B3GLCT: variants seen among roughly 807,000 people sequenced by gnomAD.
B3GLCT encodes the protein beta 3-glucosyltransferase.
In B3GLCT, 65 loss-of-function variants were observed where a neutral mutation model predicts 63.4. The ratio of observed to expected loss-of-function variants is 1.03; its 90% CI spans 0.84 to 1.26. The LOEUF (loss-of-function observed/expected upper bound fraction) is 1.26. B3GLCT is among the 50% of genes most tolerant of loss of function. The probability of loss-of-function intolerance (pLI) is 0.00; values close to 1 mark genes in which losing one functional copy is unlikely to be tolerated. For missense variants in B3GLCT, 577 were observed against 604.8 expected (o/e 0.95, Z 0.48); for synonymous variants, 233 against 219.2 (o/e 1.06, Z -0.55).
At position 31,200,092 on chromosome 13, in the gene B3GLCT, C is replaced by T. The variant is rs886379123; in HGVS notation, c.8C>T (p.Pro3Leu). 1 of 1,373,718 alleles carries T rather than the reference C, an allele frequency of 7.3e-7. No individual in the cohort carries two copies. The highest frequency in any genetic ancestry group is 9.5e-7 in the Non-Finnish European group (1 of 1,053,616). 85.1% of individuals were successfully genotyped at this position (1,373,718 alleles called of 1,614,324 possible). A position where few individuals can be genotyped will look rare whatever the true frequency, so the allele number is the denominator to read the frequency against. Residue 3 changes from proline (P) to leucine (L), a missense_variant, in exon 1 of 15, where the codon CCG becomes CTG. By Grantham distance (98) the Pro-to-Leu change is moderately conservative. Transcript: ENST00000343307. MR[P>L]PACWWLLAPP... is the part of the protein sequence containing the mutation. ...TCAGCCTCCGCCGCCAGGATGCGGC[C>T]GCCCGCCTGCTGGTGGCTGCTCGCG...
chr13:31,255,322 A>G (rs1474920115), intron 6 of B3GLCT, among the ~76,000 whole-genome samples: 1 of 152,186 alleles, frequency 6.6e-6, no homozygotes, highest in African/African-American at 2.4e-5. Flanking sequence ...AAATGGAAAA[A>G]CATTCCATGC....
chr13:31,226,592 C>CT lies in B3GLCT; in HGVS notation c.161-2584dup, dbSNP rs953314190. ...GATGAGCGGTGAGCGCAGGATTAAG[C>CT]TTTTTTTTTATTTTTATTTTTTTTT... On this transcript the variant is annotated intron_variant, in intron 3 of 14. Transcript: ENST00000343307. Among the ~76,000 whole-genome samples, 7 of 151,026 alleles carry CT rather than the reference C, an allele frequency of 4.6e-5. No individual in the cohort carries two copies. The East Asian group carries it at 5.8e-4, about 13-fold the overall frequency.
At chr13:31,227,167 T>C (rs1306592804) in intron 3 of B3GLCT, among the ~76,000 whole-genome samples, 1 of 152,194 alleles carries the variant, frequency 6.6e-6, no homozygotes, top group African/African-American at 2.4e-5. Context: ...TTAATGTATC[T>C]TGTTAGTGGA....
At chr13:31,248,911 A>G (rs1450792091) in intron 6 of B3GLCT, among the ~76,000 whole-genome samples, 1 of 152,166 alleles carries the variant, frequency 6.6e-6, no homozygotes, top group Non-Finnish European at 1.5e-5. Context: ...CTGCCTTGGA[A>G]ATGTGTCAAG....
At chr13:31,274,032 C>T (rs141871778) in intron 8 of B3GLCT, among the ~76,000 whole-genome samples, 219 of 152,170 alleles carry the variant, frequency 1.4e-3, no homozygotes, top group Non-Finnish European at 1.4e-3. Context: ...TTTTTTTCCC[C>T]AGGATCTCAC....
intron 6 of B3GLCT, among the ~76,000 whole-genome samples, chr13:31,255,009 C>T (rs1416240659): frequency 6.8e-6 from 1 of 147,350 alleles, no homozygotes; most frequent in Non-Finnish European, 1.5e-5. Context: ...TGCACTCCCG[C>T]CCAGGTGACA....
At chr13:31,220,164 A>G (rs1362443989) in intron 2 of B3GLCT, among the ~76,000 whole-genome samples, 2 of 152,218 alleles carry the variant, frequency 1.3e-5, no homozygotes, top group Non-Finnish European at 2.9e-5. Context: ...ACTGGGTGGA[A>G]GATTCCATTT....
At chr13:31,271,588 G>C (rs991064704) in intron 8 of B3GLCT, among the ~76,000 whole-genome samples, 3 of 152,126 alleles carry the variant, frequency 2.0e-5, no homozygotes, top group African/African-American at 4.8e-5. Flanking sequence ...ATTTCTAACA[G>C]TATTATTGTA....
chr13:31,282,411 G>A (rs9530264), intron 10 of B3GLCT, among the ~76,000 whole-genome samples: 31,920 of 151,908 alleles, frequency 0.21, 3,344 homozygotes, highest in Non-Finnish European at 0.21. Flanking sequence ...AGGCCGAGGC[G>A]GGCGGATCAC....
At chr13:31,314,821 C>T (rs1284926054) in intron 12 of B3GLCT, among the ~76,000 whole-genome samples, 4 of 152,152 alleles carry the variant, frequency 2.6e-5, no homozygotes, top group Admixed American at 6.5e-5. Flanking sequence ...AATCTCAACT[C>T]GAATTGTATC....
At chr13:31,245,164 C>CA (rs1429345263) in intron 4 of B3GLCT, among the ~76,000 whole-genome samples, 1 of 152,122 alleles carries the variant, frequency 6.6e-6, no homozygotes, top group Non-Finnish European at 1.5e-5. Context: ...CTTTGCCTCC[C>CA]ACATTTTATG....
At chr13:31,242,949 G>A (rs1871027226) in intron 4 of B3GLCT, among the ~76,000 whole-genome samples, 1 of 151,920 alleles carries the variant, frequency 6.6e-6, no homozygotes, top group Admixed American at 6.6e-5. Context: ...AATGAATACT[G>A]GATTTCTAAA....
chr13:31,313,012 A>T (rs1824675660), intron 12 of B3GLCT: 1 of 152,244 alleles, frequency 6.6e-6, no homozygotes, highest in African/African-American at 2.4e-5. Context: ...CTTCAGACAG[A>T]TATAAACCTG....
intron 4 of B3GLCT, among the ~76,000 whole-genome samples, chr13:31,237,267 T>C (rs188833855): frequency 6.6e-6 from 1 of 151,314 alleles, no homozygotes; most frequent in Non-Finnish European, 1.5e-5. Flanking sequence ...TTCTGAGAAT[T>C]AAATGCTGAA....
chr13:31,208,631 CGCTCA>C (rs1869105250), intron 1 of B3GLCT, among the ~76,000 whole-genome samples: 1 of 133,378 alleles, frequency 7.5e-6, no homozygotes, highest in Admixed American at 7.4e-5. Context: ...CCCCCCCCCC[CGCTCA>C]CTGCCACCTT....
intron 7 of B3GLCT, among the ~76,000 whole-genome samples, chr13:31,264,567 G>A (rs532251453): frequency 9.5e-4 from 144 of 151,966 alleles, no homozygotes; most frequent in Non-Finnish European, 1.4e-3. Context: ...CCTTTCCCCC[G>A]ATGCCAACAA....
At chr13:31,308,362 A>AAAAAAAAAAAAAAAAAAAAAAAAAAAAAC (rs61561180) in intron 12 of B3GLCT, among the ~76,000 whole-genome samples, 4 of 61,874 alleles carry the variant, frequency 6.5e-5, no homozygotes, top group African/African-American at 9.2e-5. Flanking sequence ...AAAAAAAAAC[A>AAAAAAAAAAAAAAAAAAAAAAAAAAAAAC]AAAAAAAAAG....
chr13:31,256,683 A>G (rs1871757176), intron 6 of B3GLCT, among the ~76,000 whole-genome samples: 3 of 152,206 alleles, frequency 2.0e-5, no homozygotes, highest in South Asian at 4.1e-4. Flanking sequence ...CAGAAAACCA[A>G]ACACCACATG....
chr13:31,218,524 C>T (rs767336688), intron 2 of B3GLCT, among the ~76,000 whole-genome samples: 3 of 152,024 alleles, frequency 2.0e-5, no homozygotes, highest in South Asian at 2.1e-4. Context: ...TTGCTGTCAG[C>T]GTGGATGTTA....
Sources: gnomAD v4.1 joint callset for allele counts (sites outside exome capture counted in the v4.1 genomes callset) on GRCh38, gnomAD v4.1.1 for gene constraint, MANE v1.5 for transcripts, NCBI Gene and HGNC (gene_info 2026-07-23, HGNC 2026-07-21) for gene names.